TUBGCP6: variants seen among roughly 807,000 people sequenced by gnomAD.
TUBGCP6 encodes gamma-tubulin complex component 6.
In TUBGCP6, 161 loss-of-function variants were observed where a neutral mutation model predicts 175.8. The observed-to-expected ratio is 0.92, with a 90% CI of 0.81 to 1.04. The LOEUF is 1.04. Among genes scored for constraint, TUBGCP6 ranks in the 50% least tolerant of loss-of-function variants. The pLI, the probability that TUBGCP6 is intolerant of heterozygous loss-of-function variation, is 0.00. For synonymous variants in TUBGCP6, 1,173 were observed against 1,030.5 expected (o/e 1.14, Z -2.65); for missense variants, 2,572 against 2,433.0 (o/e 1.06, Z -1.20).
chr22:50,218,901 G>A lies in TUBGCP6; in HGVS notation c.4627-4C>T, dbSNP rs987096023. On this transcript the variant is annotated splice_polypyrimidine_tract_variant and splice_region_variant and intron_variant, in intron 20 of 24. Coordinates refer to ENST00000248846, the MANE Select transcript of TUBGCP6 (RefSeq NM_020461.4). Reference sequence around the variant, plus strand: ...CGGGCGTTTGCCCAGCTCCAAGCTAGGCAGAAAAGGGACCACCGTCCCCAG... The same window carrying A: ...CGGGCGTTTGCCCAGCTCCAAGCTAAGCAGAAAAGGGACCACCGTCCCCAG... The A allele has an allele frequency of 1.2e-6, 2 of 1,606,560 alleles. No homozygotes were observed. Among genetic ancestry groups the A allele is most frequent in the East Asian group, 2.2e-5 (1 of 44,768 alleles).
At chr22:50,234,934 C>T (rs1023404088) in intron 2 of TUBGCP6, among the ~76,000 whole-genome samples, 7 of 150,368 alleles carry the variant, frequency 4.7e-5, no homozygotes, top group African/African-American at 1.5e-4. Flanking sequence ...AGGTCCACGG[C>T]AGCATCGCCC....
chr22:50,219,579 G>T, intron 18 of TUBGCP6, 65 bp downstream of exon 18: 1 of 1,596,808 alleles, frequency 6.3e-7, no homozygotes, highest in Non-Finnish European at 8.6e-7. Context: ...ACCCACAGGA[G>T]GTGGAGCACG....
chr22:50,220,159 C>A, intron 16 of TUBGCP6, 92 bp downstream of exon 16: 1 of 1,548,064 alleles, frequency 6.5e-7, no homozygotes, highest in Non-Finnish European at 8.8e-7. Context: ...CTGAGGGGAA[C>A]TTCACATGCC....
At position 50,243,835 on chromosome 22, in the gene TUBGCP6, C is replaced by G. The variant is rs1291600054; in HGVS notation, c.625G>C (p.Asp209His). The change falls in exon 1 of 25, where the codon GAC becomes CAC. Residue 209 changes from aspartate (D) to histidine (H), a missense_variant. Asp to His is a moderately conservative substitution (Grantham distance 81). Coordinates refer to ENST00000248846, the MANE Select transcript of TUBGCP6 (RefSeq NM_020461.4). ...GCCCCGAAGAGCGAGACCCGGGTGTCTCTCTCGAACCTGTCACCACAAGGG... is the reference window on the plus strand; with the variant it reads ...GCCCCGAAGAGCGAGACCCGGGTGTGTCTCTCGAACCTGTCACCACAAGGG... ...GDPCGDRFER[D>H]TRVSLFGALV... 2 of 1,613,720 alleles carry G rather than the reference C, an allele frequency of 1.2e-6. No individual in the cohort carries two copies. Among genetic ancestry groups the G allele is most frequent in the Non-Finnish European group, 1.7e-6 (2 of 1,180,014 alleles).
intron 2 of TUBGCP6, among the ~76,000 whole-genome samples, chr22:50,233,915 T>G (rs886257220): frequency 6.6e-6 from 1 of 151,658 alleles, no homozygotes; most frequent in Non-Finnish European, 1.5e-5. Flanking sequence ...TGTACACCCA[T>G]GTACACAACA....
chr22:50,238,401 T>C (rs1276723905), intron 2 of TUBGCP6, among the ~76,000 whole-genome samples: 1 of 150,290 alleles, frequency 6.7e-6, no homozygotes, highest in Non-Finnish European at 1.5e-5. Flanking sequence ...GAGCTGGAGA[T>C]GGTGCCACTG....
rs2147213908 is a variant in TUBGCP6, at chr22:50,240,368, C to G, written c.742-1G>C. 1 of 1,613,944 alleles carries G rather than the reference C, an allele frequency of 6.2e-7. No individual in the cohort carries two copies. The highest frequency in any genetic ancestry group is 1.7e-5 in the Admixed American group (1 of 60,018). On this transcript the variant is annotated splice_acceptor_variant, in intron 1 of 24. Transcript: ENST00000248846. LOFTEE classifies it high-confidence loss of function. ...CCCACTGATCCACACTCGGTGGGAC[C>G]TGGAGACACAGGGAAGGGCAAACCG...
Position 50,219,187 on chromosome 22 carries a change from C to A in TUBGCP6, c.4507G>T (p.Ala1503Ser). 2 of 1,611,412 alleles carry A rather than the reference C, an allele frequency of 1.2e-6. No individual in the cohort carries two copies. Among genetic ancestry groups the A allele is most frequent in the East Asian group, 4.5e-5 (2 of 44,880 alleles). ...AGCTCCACGAAGAAGTAGTCGACAG[C>A]GGCCTTGTTCACCAAGGAGATGCTG... ...AAHISLVNKA[A>S]VDYFFVELHL... The change falls in exon 20 of 25, where the codon GCT (alanine) becomes TCT (serine). Residue 1503 changes from alanine (A) to serine (S), a missense_variant. Transcript: ENST00000248846.
rs1283090967 is a variant in TUBGCP6, at chr22:50,243,814, C to G, written c.646G>C (p.Gly216Arg). 9.3e-6 allele frequency: 15 copies of G among 1,613,398 alleles called. No individual in the cohort carries two copies. Among genetic ancestry groups the G allele is most frequent in the Admixed American group, 1.7e-5 (1 of 59,970 alleles). The change falls in exon 1 of 25, where the codon GGG becomes CGG. Residue 216 changes from glycine (G) to arginine (R), a missense_variant. By Grantham distance (125) the Gly-to-Arg change is moderately radical. Coordinates refer to ENST00000248846, the MANE Select transcript of TUBGCP6 (RefSeq NM_020461.4). ...TAAGTGCGGCTGTGCACAAGGGCCCCGAAGAGCGAGACCCGGGTGTCTCTC... is the reference window on the plus strand; with the variant it reads ...TAAGTGCGGCTGTGCACAAGGGCCCGGAAGAGCGAGACCCGGGTGTCTCTC... ...FERDTRVSLF[G>R]ALVHSRTYDM...
chr22:50,227,226 A>G, intron 5 of TUBGCP6, 149 bp from the exon 6 acceptor site: 1 of 710,128 alleles, frequency 1.4e-6, no homozygotes, highest in Non-Finnish European at 2.3e-6. Flanking sequence ...CACCCCAACC[A>G]CCCAGAAACG....
Position 50,218,078 on chromosome 22 carries a change from G to A in TUBGCP6, c.5208C>T (p.Val1736=), listed in dbSNP as rs139835410. The A allele has an allele frequency of 2.5e-5, 40 of 1,613,256 alleles. No homozygotes were observed. The African/African-American group carries it at 4.4e-4, about 18-fold the overall frequency. The change falls in exon 24 of 25, where the codon GTC becomes GTT. Residue 1736 remains valine (V), a synonymous_variant. Transcript: ENST00000248846. ...GCACGAGGCTGAAGATGCTGTGGAT[G>A]ACGTTCATGACGGGCGCCGCCTTCT... ...LTEKAAPVMN[V]IHSIFSLVLK... is the part of the protein sequence containing the mutation.
intron 2 of TUBGCP6, among the ~76,000 whole-genome samples, chr22:50,238,075 G>A (rs2064797821): frequency 6.6e-6 from 1 of 152,090 alleles, no homozygotes; most frequent in Non-Finnish European, 1.5e-5. Flanking sequence ...AGAGGTTGCA[G>A]TGAGCCAAGA....
chr22:50,231,411 A>G (rs1396629753), intron 3 of TUBGCP6, among the ~76,000 whole-genome samples: 3 of 150,680 alleles, frequency 2.0e-5, no homozygotes, highest in Non-Finnish European at 4.4e-5. Flanking sequence ...CTGAGATCAC[A>G]CCACTGCACT....
At chr22:50,229,791 A>G (rs1324975915) in intron 3 of TUBGCP6, among the ~76,000 whole-genome samples, 1 of 152,250 alleles carries the variant, frequency 6.6e-6, no homozygotes, top group Non-Finnish European at 1.5e-5. Flanking sequence ...ATACATGTTT[A>G]AAATGCCAAG....
chr22:50,221,058 G>A lies in TUBGCP6; in HGVS notation c.3301C>T (p.Arg1101Trp), dbSNP rs755654925. ...GESVSDVAPT[R>W]PRWNIHGHVS... Reference sequence around the variant, plus strand: ...TGTCCATGGATGTTCCACCGTGGCCGAGTGGGAGCCACATCTGACACAGAC... The same window carrying A: ...TGTCCATGGATGTTCCACCGTGGCCAAGTGGGAGCCACATCTGACACAGAC... The change falls in exon 16 of 25, where the codon CGG (arginine) becomes TGG (tryptophan). Residue 1101 changes from arginine (R) to tryptophan (W), a missense_variant. Transcript: ENST00000248846. 33 of 1,612,636 alleles carry A rather than the reference G, an allele frequency of 2.0e-5. No individual in the cohort carries two copies. The highest frequency in any genetic ancestry group is 7.7e-5 in the South Asian group (7 of 90,960).
chr22:50,231,868 AAAAAAAG>A (rs1445123668), intron 3 of TUBGCP6, among the ~76,000 whole-genome samples: 1 of 151,532 alleles, frequency 6.6e-6, no homozygotes, highest in African/African-American at 2.4e-5. Context: ...TCAAAAAAAA[AAAAAAAG>A]AAAAGATGAC....
At chr22:50,229,092 G>C (rs1394175621) in intron 4 of TUBGCP6, among the ~76,000 whole-genome samples, 1 of 152,074 alleles carries the variant, frequency 6.6e-6, no homozygotes, top group African/African-American at 2.4e-5. Flanking sequence ...GGGCCCACTG[G>C]GGAGCAGGCA....
Position 50,221,565 on chromosome 22 carries a change from A to AG in TUBGCP6, c.2793dup (p.Ser932LeufsTer23), listed in dbSNP as rs1299462712. On this transcript the variant is annotated frameshift_variant, in exon 16 of 25. Transcript: ENST00000248846. LOFTEE classifies it high-confidence loss of function. Reference sequence around the variant, plus strand: ...GCTGCGGGTGCCTCCCCAGGAGCTGAGGGGGGCAGGTCCAAGTTAATGGTC... The same window carrying AG: ...GCTGCGGGTGCCTCCCCAGGAGCTGAGGGGGGGCAGGTCCAAGTTAATGGTC... 3 of 1,587,630 alleles carry AG rather than the reference A, an allele frequency of 1.9e-6. No individual in the cohort carries two copies. Among genetic ancestry groups the AG allele is most frequent in the East Asian group, 2.3e-5 (1 of 44,288 alleles).
In TUBGCP6 at chr22:50,224,456, G is replaced by C. The variant is rs570687751; in HGVS notation, c.2066-36C>G. On this transcript the variant is annotated intron_variant, in intron 11 of 24. Coordinates refer to ENST00000248846, the MANE Select transcript of TUBGCP6 (RefSeq NM_020461.4). ...ACAGTAAGGGGCGCACTGTCACAAG[G>C]AGGCCCCAGCAAGGCCCCCCGGAAC... 237 of 1,614,140 alleles carry C rather than the reference G, an allele frequency of 1.5e-4. 1 individual carries two copies. The South Asian group carries it at 2.4e-3, about 16-fold the overall frequency.
Sources: allele counts gnomAD v4.1 joint callset (sites outside exome capture counted in the v4.1 genomes callset), GRCh38; gene constraint gnomAD v4.1.1; transcripts MANE v1.5; gene names NCBI Gene and HGNC (gene_info 2026-07-23, HGNC 2026-07-21).